TRPM8: variants seen among roughly 807,000 people sequenced by gnomAD.
TRPM8 encodes transient receptor potential cation channel subfamily M member 8.
A neutral mutation model predicts 133.7 loss-of-function variants in TRPM8; 110 were observed. That is an observed-to-expected ratio of 0.82 (90% CI 0.70 to 0.96). The LOEUF (loss-of-function observed/expected upper bound fraction) is 0.96. TRPM8 is among the 40% of genes least tolerant of loss of function. The pLI, the probability that TRPM8 is intolerant of heterozygous loss-of-function variation, is 0.00. For missense variants in TRPM8, 1,291 were observed against 1,379.5 expected (o/e 0.94, Z 1.02); for synonymous variants, 535 against 532.3 (o/e 1.01, Z -0.07).
intron 1 of TRPM8, among the ~76,000 whole-genome samples, chr2:233,918,258 T>C (rs1691341333): frequency 6.6e-6 from 1 of 151,250 alleles, no homozygotes; most frequent in South Asian, 2.1e-4. Flanking sequence ...TGCATATTTA[T>C]TTATAATTTG....
At chr2:233,947,057 C>T in intron 7 of TRPM8, 31 bp from the exon 8 acceptor site, 1 of 1,605,748 alleles carries the variant, frequency 6.2e-7, no homozygotes, top group East Asian at 2.2e-5. Context: ...CTAATGAGCT[C>T]AAAATATGCT....
Position 233,942,607 on chromosome 2 carries a change from T to C in TRPM8, c.558T>C (p.Tyr186=), listed in dbSNP as rs201091682. 6.2e-7 allele frequency: 1 copy of C among 1,614,220 alleles called. No homozygotes were observed. Residue 186 remains tyrosine (Y), a synonymous_variant, in exon 6 of 26, where the codon TAT becomes TAC. Coordinates refer to ENST00000324695, the MANE Select transcript of TRPM8 (RefSeq NM_024080.5). ...GAWILTGGTH[Y]GLMKYIGEVV... is the part of the protein sequence containing the mutation. ...GGATTCTCACGGGAGGCACCCATTA[T>C]GGCCTGATGAAGTACATCGGGGAGG...
intron 3 of TRPM8, among the ~76,000 whole-genome samples, chr2:233,934,537 C>A (rs1000324910): frequency 2.6e-5 from 4 of 152,172 alleles, no homozygotes; most frequent in African/African-American, 9.7e-5. Context: ...CTGCAGTCCA[C>A]GTCAATGCAC....
chr2:233,941,762 A>G (rs1034827874), intron 5 of TRPM8, among the ~76,000 whole-genome samples: 6 of 152,082 alleles, frequency 3.9e-5, no homozygotes, highest in African/African-American at 1.4e-4. Flanking sequence ...ACCCTGTATA[A>G]CCCTTAGCAT....
At position 233,966,647 on chromosome 2, in the gene TRPM8, G is replaced by A; in HGVS notation, c.1917G>A (p.Leu639=). The part of the protein sequence containing the change: ...FTECYSSDED[L]AEQLLVYSCE... ...AGTGTTACAGCAGCGATGAAGACTT[G>A]GCAGAACAGCTGCTGGTCTATTCCT... The change falls in exon 15 of 26, where the codon TTG becomes TTA. Residue 639 remains leucine (L), a synonymous_variant. Coordinates refer to ENST00000324695, the MANE Select transcript of TRPM8 (RefSeq NM_024080.5). 6.2e-7 allele frequency: 1 copy of A among 1,614,096 alleles called. No individual in the cohort carries two copies. The highest frequency in any genetic ancestry group is 8.5e-7 in the Non-Finnish European group (1 of 1,180,016).
chr2:233,927,663 G>A (rs1691546520), intron 2 of TRPM8, among the ~76,000 whole-genome samples: 1 of 151,916 alleles, frequency 6.6e-6, no homozygotes, highest in Admixed American at 6.5e-5. Context: ...CTTCTGGAGG[G>A]GTCCACCTGG....
At chr2:233,966,181 A>G (rs1691568372) in intron 14 of TRPM8, 1 of 156,108 alleles carries the variant, frequency 6.4e-6, no homozygotes. Context: ...TCTGCCAAAC[A>G]ACCTTGCCAA....
intron 5 of TRPM8, among the ~76,000 whole-genome samples, chr2:233,940,828 A>C (rs1170027468): frequency 6.6e-6 from 1 of 152,216 alleles, no homozygotes; most frequent in African/African-American, 2.4e-5. Context: ...GCTTCCTTAA[A>C]GATAAGGATT....
In TRPM8 at chr2:234,019,179, G is replaced by T. The variant is rs200599426; in HGVS notation, c.*1923G>T. On this transcript the variant is annotated 3_prime_UTR_variant, in exon 26 of 26. Transcript: ENST00000324695. ...AATAACTACTCACAACATTCACTATGTTTGCAAGGAATTAACACAAATAAA... is the reference window on the plus strand; with the variant it reads ...AATAACTACTCACAACATTCACTATTTTTGCAAGGAATTAACACAAATAAA... 7.2e-4 allele frequency: 109 copies of T among 152,272 alleles called. 1 individual carries two copies. Among genetic ancestry groups the T allele is most frequent in the African/African-American group, 2.5e-3 (103 of 41,550 alleles). 9.4% of individuals were successfully genotyped at this position (152,272 alleles called of 1,614,324 possible).
At chr2:234,003,568 T>C (rs1395535062) in intron 22 of TRPM8, among the ~76,000 whole-genome samples, 1 of 152,204 alleles carries the variant, frequency 6.6e-6, no homozygotes, top group African/African-American at 2.4e-5. Context: ...TGAAGCCATG[T>C]CACGGCTGGT....
At chr2:233,974,204 T>A (rs1691805370) in intron 17 of TRPM8, among the ~76,000 whole-genome samples, 1 of 151,918 alleles carries the variant, frequency 6.6e-6, no homozygotes, top group African/African-American at 2.4e-5. Context: ...ACAAGTGGGG[T>A]AAGTGCCAAA....
intron 22 of TRPM8, among the ~76,000 whole-genome samples, chr2:233,998,637 C>T (rs1263690866): frequency 6.6e-6 from 1 of 151,220 alleles, no homozygotes; most frequent in African/African-American, 2.4e-5. Flanking sequence ...TGTGCCCATC[C>T]AGTTAGGGTG....
rs2125187301 is a variant in TRPM8 at position 233,963,377 on chromosome 2, G to A, written c.1749G>A (p.Gln583=). The change falls in exon 13 of 26, where the codon CAG becomes CAA. Residue 583 remains glutamine, a splice_region_variant and synonymous_variant. Coordinates refer to ENST00000324695, the MANE Select transcript of TRPM8 (RefSeq NM_024080.5). ...KKELSKVIWE[Q]TRGCTLAALG... is the part of the protein sequence containing the mutation. ...AACTCTCCAAAGTCATTTGGGAGCA[G>A]GTAAGTGCCCAAGCCCACATCAGAT... 6.3e-7 allele frequency: 1 copy of A among 1,597,580 alleles called. No homozygotes were observed. Among genetic ancestry groups the A allele is most frequent in the African/African-American group, 1.3e-5 (1 of 74,660 alleles).
At chr2:233,956,698 A>G (rs538262548) in intron 11 of TRPM8, among the ~76,000 whole-genome samples, 1 of 152,358 alleles carries the variant, frequency 6.6e-6, no homozygotes, top group South Asian at 2.1e-4. Context: ...ACATGCGATC[A>G]GTTTTAATGA....
chr2:233,927,817 TTCC>T lies in TRPM8; in HGVS notation c.117+1165_117+1167del, dbSNP rs2125043438. ...TTTCTTTCCTTCCTTCCTTCCTTCC[TTCC>T]TTCCTTCCTTCCTTCCTTCCTTCCT... On this transcript the variant is annotated intron_variant, in intron 2 of 25. Transcript: ENST00000324695. 2.7e-5 allele frequency among the ~76,000 whole-genome samples: 2 copies of T among 73,804 alleles called. 1 individual carries two copies. The highest frequency in any genetic ancestry group is 7.8e-4 in the East Asian group (2 of 2,578). The allele number at this position is 73,804 out of a possible 152,430, so 48.4% of individuals were successfully genotyped here.
chr2:233,962,099 T>C (rs1691453649), intron 12 of TRPM8, among the ~76,000 whole-genome samples: 1 of 152,240 alleles, frequency 6.6e-6, no homozygotes, highest in Non-Finnish European at 1.5e-5. Context: ...TGGACACGTG[T>C]TCTTTTGTGA....
chr2:233,978,770 G>A (rs1691933615), intron 17 of TRPM8, among the ~76,000 whole-genome samples: 1 of 152,186 alleles, frequency 6.6e-6, no homozygotes, highest in African/African-American at 2.4e-5. Context: ...TTCACACAGT[G>A]ACTGGACTGT....
rs867270440 is a variant in TRPM8, at chr2:233,980,828, C to T, written c.2447+549C>T. Among the ~76,000 whole-genome samples, 36 of 152,314 alleles carry T rather than the reference C, an allele frequency of 2.4e-4. No homozygotes were observed. In the Middle Eastern group the frequency reaches 0.01, roughly 43 times the overall value. ...CACAAAAACAATGTGTATTCCACAT[C>T]GTAGAGAGATTAGGGTATGCCCCAA... On this transcript the variant is annotated intron_variant, in intron 18 of 25. Transcript: ENST00000324695.
intron 17 of TRPM8, among the ~76,000 whole-genome samples, chr2:233,975,647 A>G (rs558200531): frequency 1.3e-5 from 2 of 152,308 alleles, no homozygotes; most frequent in African/African-American, 4.8e-5. Context: ...GTGGGAGGCC[A>G]AGGCGGGCGG....
Sources: allele counts gnomAD v4.1 joint callset (sites outside exome capture counted in the v4.1 genomes callset), GRCh38; gene constraint gnomAD v4.1.1; transcripts MANE v1.5; gene names NCBI Gene and HGNC (gene_info 2026-07-23, HGNC 2026-07-21).